The following TDRP variants were observed in gnomAD, a reference collection of about 807,000 sequenced individuals.
The protein encoded by TDRP is testis development-related protein.
In TDRP, 12 loss-of-function variants were observed where a neutral mutation model predicts 10.5. The observed-to-expected ratio is 1.15, with a 90% CI of 0.73 to 1.86. The LOEUF (loss-of-function observed/expected upper bound fraction) is 1.86, where lower values mean the gene tolerates loss of function less well. TDRP is among the 40% of genes most tolerant of loss of function. TDRP has a pLI of 0.00. For missense variants in TDRP, 353 were observed against 229.2 expected (o/e 1.54, Z -3.49); for synonymous variants, 139 against 95.4 (o/e 1.46, Z -2.67).
chr8:517,907 C>A (rs982081835), intron 1 of TDRP, among the ~76,000 whole-genome samples: 7 of 152,198 alleles, frequency 4.6e-5, no homozygotes, highest in African/African-American at 1.4e-4. Flanking sequence ...CTGGAAAACA[C>A]AAAACTATGG....
intron 1 of TDRP, among the ~76,000 whole-genome samples, chr8:526,512 C>T (rs1488123478): frequency 6.6e-6 from 1 of 152,082 alleles, no homozygotes; most frequent in Non-Finnish European, 1.5e-5. Context: ...TGATGTATCA[C>T]GTTGGTTGAT....
chr8:525,112 G>C (rs1487104879), intron 1 of TDRP, among the ~76,000 whole-genome samples: 2 of 152,190 alleles, frequency 1.3e-5, no homozygotes, highest in African/African-American at 4.8e-5. Flanking sequence ...CGATAGGTCT[G>C]GCAGCAGGCT....
At chr8:501,030 C>T (rs926925381) in intron 1 of TDRP, among the ~76,000 whole-genome samples, 3 of 152,062 alleles carry the variant, frequency 2.0e-5, no homozygotes, top group South Asian at 4.1e-4. Context: ...CACGGTGAAA[C>T]CCCGTCTCTA....
chr8:538,111 T>G (rs1476315385), intron 1 of TDRP, among the ~76,000 whole-genome samples: 1 of 152,188 alleles, frequency 6.6e-6, no homozygotes, highest in African/African-American at 2.4e-5. Flanking sequence ...GCTATCTCAA[T>G]AGAGGAGAGG....
intron 1 of TDRP, among the ~76,000 whole-genome samples, chr8:502,307 C>G (rs969165272): frequency 3.9e-5 from 6 of 152,218 alleles, no homozygotes; most frequent in African/African-American, 1.4e-4. Context: ...GTCCTGACAT[C>G]CAAGTCAAAC....
chr8:499,268 G>C (rs973049627), intron 1 of TDRP, among the ~76,000 whole-genome samples: 1 of 152,092 alleles, frequency 6.6e-6, no homozygotes, highest in African/African-American at 2.4e-5. Context: ...GGGTCTCTCT[G>C]TTACCCAGGC....
chr8:515,169 A>G (rs1801724762), intron 1 of TDRP, among the ~76,000 whole-genome samples: 1 of 152,188 alleles, frequency 6.6e-6, no homozygotes, highest in African/African-American at 2.4e-5. Flanking sequence ...GTGCACAGCC[A>G]GAGATCCAAG....
chr8:494,589 T>C lies in TDRP; in HGVS notation c.117A>G (p.Gly39=), dbSNP rs1801077964. 6.2e-7 allele frequency: 1 copy of C among 1,613,816 alleles called. No homozygotes were observed. The highest frequency in any genetic ancestry group is 8.5e-7 in the Non-Finnish European group (1 of 1,179,810). Residue 39 remains glycine (G), a synonymous_variant, in exon 2 of 3, where the codon GGA becomes GGG. Transcript: ENST00000324079. ...AAAAAQAQVQ[G]ASFRGWKEVT... ...CTTCTTTCCAACCTCGGAAACTTGCTCCCTGAACCTAATAAAAGGTTAAGA... is the reference window on the plus strand; with the variant it reads ...CTTCTTTCCAACCTCGGAAACTTGCCCCCTGAACCTAATAAAAGGTTAAGA...
intron 1 of TDRP, among the ~76,000 whole-genome samples, chr8:529,818 G>A (rs1298571279): frequency 6.6e-6 from 1 of 151,968 alleles, no homozygotes; most frequent in African/African-American, 2.4e-5. Flanking sequence ...CTGACTTTTG[G>A]CAATTTGATT....
At chr8:510,034 C>A (rs182874431) in intron 1 of TDRP, among the ~76,000 whole-genome samples, 86 of 152,240 alleles carry the variant, frequency 5.6e-4, no homozygotes, top group African/African-American at 1.9e-3. Context: ...TGCGATGTGA[C>A]CTCCAGGAGG....
At chr8:499,160 C>A (rs1801218009) in intron 1 of TDRP, among the ~76,000 whole-genome samples, 2 of 152,106 alleles carry the variant, frequency 1.3e-5, no homozygotes, top group African/African-American at 2.4e-5. Flanking sequence ...CCTAGTGTTT[C>A]CATTGAAATT....
chr8:520,180 C>T (rs1330453669), intron 1 of TDRP, among the ~76,000 whole-genome samples: 1 of 152,190 alleles, frequency 6.6e-6, no homozygotes, highest in Non-Finnish European at 1.5e-5. Context: ...ACTTTCAATA[C>T]CTCATGTAAG....
intron 1 of TDRP, among the ~76,000 whole-genome samples, chr8:544,349 C>A (rs958864365): frequency 4.3e-4 from 65 of 152,172 alleles, no homozygotes; most frequent in South Asian, 1.2e-3. Context: ...GTAACACGTG[C>A]AGGGGGCACT....
intron 1 of TDRP, among the ~76,000 whole-genome samples, chr8:498,021 T>G (rs1359100314): frequency 6.6e-6 from 1 of 152,116 alleles, no homozygotes; most frequent in Non-Finnish European, 1.5e-5. Context: ...TGGCTGGACA[T>G]CCAAGCAGAA....
Position 493,504 on chromosome 8 carries a change from C to G in TDRP, c.213-760G>C, listed in dbSNP as rs1036356178. ...AAGTGCAGAGAAGCAGACCGGGGGC[C>G]CACAGTCCTCAAACAAAAGCCAACT... On this transcript the variant is annotated intron_variant, in intron 2 of 2. Coordinates refer to ENST00000324079, the MANE Select transcript of TDRP (RefSeq NM_001384899.1). Among the ~76,000 whole-genome samples, 11 of 152,240 alleles carry G rather than the reference C, an allele frequency of 7.2e-5. 1 individual carries two copies. Among genetic ancestry groups the G allele is most frequent in the African/African-American group, 2.7e-4 (11 of 41,460 alleles).
chr8:506,623 A>T (rs962482492), intron 1 of TDRP, among the ~76,000 whole-genome samples: 11 of 152,194 alleles, frequency 7.2e-5, no homozygotes, highest in Non-Finnish European at 1.5e-4. Context: ...CAGGAGAAGC[A>T]AGCTGATACG....
intron 1 of TDRP, among the ~76,000 whole-genome samples, chr8:534,623 A>G (rs1451219335): frequency 6.6e-6 from 1 of 152,094 alleles, no homozygotes; most frequent in Non-Finnish European, 1.5e-5. Context: ...ACAAACATGT[A>G]AAAAAAAGGT....
At chr8:492,863 A>T in intron 2 of TDRP, 119 bp from the exon 3 acceptor site, 1 of 779,526 alleles carries the variant, frequency 1.3e-6, no homozygotes, top group Non-Finnish European at 1.9e-6. Flanking sequence ...AACTAACACA[A>T]GTCTATATGA....
Position 506,317 on chromosome 8 carries a change from G to C in TDRP, c.109-11720C>G, listed in dbSNP as rs148429359. On this transcript the variant is annotated intron_variant, in intron 1 of 2. Transcript: ENST00000324079. Reference sequence around the variant, plus strand: ...CCATTTACCCTCCCAGCTCGGCAGCGGGGGGAGGGGAGGAGAATCCACTCA... The same window carrying C: ...CCATTTACCCTCCCAGCTCGGCAGCCGGGGGAGGGGAGGAGAATCCACTCA... 3.4e-3 allele frequency among the ~76,000 whole-genome samples: 516 copies of C among 152,210 alleles called. 2 individuals carry two copies. The highest frequency in any genetic ancestry group is 0.012 in the African/African-American group (484 of 41,536).
Sources: allele counts gnomAD v4.1 joint callset (sites outside exome capture counted in the v4.1 genomes callset), GRCh38; gene constraint gnomAD v4.1.1; transcripts MANE v1.5; gene names NCBI Gene and HGNC (gene_info 2026-07-23, HGNC 2026-07-21).